NAV2: variants seen among roughly 807,000 people sequenced by gnomAD.
NAV2 encodes the protein helicase, APC down-regulated 1.
In NAV2, 54 loss-of-function variants were observed where a neutral mutation model predicts 223.2. The ratio of observed to expected loss-of-function variants is 0.24; its 90% confidence interval spans 0.19 to 0.30. The LOEUF (loss-of-function observed/expected upper bound fraction) is 0.30, where lower values mean the gene tolerates loss of function less well. Ranked by LOEUF, NAV2 falls within the 10% of genes least tolerant of loss-of-function variation. The pLI is 1.00. For synonymous variants in NAV2, 1,279 were observed against 1,239.3 expected (o/e 1.03, Z -0.67); for missense variants, 2,806 against 3,147.5 (o/e 0.89, Z 2.60).
intron 4 of NAV2, among the ~76,000 whole-genome samples, chr11:19,870,377 G>A (rs1298860970): frequency 6.6e-6 from 1 of 152,144 alleles, no homozygotes; most frequent in African/African-American, 2.4e-5. Context: ...CCTAGTTTCT[G>A]GGAGTGCTTG....
chr11:19,988,031 G>T (rs1469861626), intron 11 of NAV2, among the ~76,000 whole-genome samples: 1 of 152,216 alleles, frequency 6.6e-6, no homozygotes, highest in Admixed American at 6.5e-5. Context: ...ACTCCTGCCA[G>T]TTCCTACATG....
intron 1 of NAV2, among the ~76,000 whole-genome samples, chr11:19,641,073 G>A (rs546385894): frequency 6.6e-6 from 1 of 152,190 alleles, no homozygotes; most frequent in South Asian, 2.1e-4. Flanking sequence ...AAGCTTTCCA[G>A]AGACTGTTGC....
At chr11:19,509,969 A>AT in intron 1 of NAV2, among the ~76,000 whole-genome samples, 1 of 152,176 alleles carries the variant, frequency 6.6e-6, no homozygotes, top group East Asian at 1.9e-4. Context: ...GGGCATTAGC[A>AT]TTTTTCCAGG....
intron 1 of NAV2, among the ~76,000 whole-genome samples, chr11:19,441,418 A>G (rs1486939901): frequency 6.7e-6 from 1 of 150,072 alleles, no homozygotes; most frequent in Non-Finnish European, 1.5e-5. Flanking sequence ...AGGTACAAGA[A>G]AGGACACTGG....
At chr11:19,845,657 T>C (rs1026708952) in intron 3 of NAV2, among the ~76,000 whole-genome samples, 1 of 152,194 alleles carries the variant, frequency 6.6e-6, no homozygotes, top group African/African-American at 2.4e-5. Flanking sequence ...GAGCAAGCCC[T>C]GGAAGAAGGC....
At position 19,984,223 on chromosome 11, in the gene NAV2, C is replaced by A. The variant is rs1041381518; in HGVS notation, c.2744C>A (p.Ser915Tyr). Residue 915 changes from serine to tyrosine, a missense_variant, in exon 11 of 38, where the codon TCC (serine) becomes TAC (tyrosine). Around this residue, in one of 4 missense-constraint regions of NAV2, gnomAD observed 73 missense variants for 119.7 expected, o/e 0.61. Coordinates refer to ENST00000349880, the MANE Select transcript of NAV2 (RefSeq NM_145117.5). ...CGGGAGACCCTGCAACGAAATACCT[C>A]CCTGGGCCTCGGAGACGCTGACAGG... is the stretch of plus-strand genomic sequence containing the variant. ...VVRETLQRNT[S>Y]LGLGDADSWD... The A allele has an allele frequency of 6.2e-7, 1 of 1,614,066 alleles. No individual in the cohort carries two copies. Among genetic ancestry groups the A allele is most frequent in the Non-Finnish European group, 8.5e-7 (1 of 1,180,014 alleles).
chr11:19,428,038 G>A (rs866820484), intron 1 of NAV2, among the ~76,000 whole-genome samples: 1 of 151,918 alleles, frequency 6.6e-6, no homozygotes, highest in Non-Finnish European at 1.5e-5. Context: ...CGGATTCTGG[G>A]TCCAAATTAG....
chr11:19,825,835 G>A (rs2059619365), intron 1 of NAV2, among the ~76,000 whole-genome samples: 1 of 152,170 alleles, frequency 6.6e-6, no homozygotes, highest in Admixed American at 6.5e-5. Context: ...GAATGATGTG[G>A]AGTTATAAGC....
chr11:19,710,130 A>C (rs79587295), upstream of NAV2, among the ~76,000 whole-genome samples: 2 of 152,336 alleles, frequency 1.3e-5, no homozygotes, highest in East Asian at 3.9e-4. Context: ...TGGCAAATAC[A>C]TAATATGTAT....
intron 13 of NAV2, among the ~76,000 whole-genome samples, chr11:20,044,626 C>A (rs2153584739): frequency 6.6e-6 from 1 of 152,228 alleles, no homozygotes; most frequent in African/African-American, 2.4e-5. Flanking sequence ...TAAACAAGGG[C>A]AGAGGTATCC....
chr11:19,940,736 C>T (rs1377339584), intron 8 of NAV2, among the ~76,000 whole-genome samples: 1 of 152,190 alleles, frequency 6.6e-6, no homozygotes, highest in East Asian at 1.9e-4. Context: ...GCAATTAGCC[C>T]CAGTGATTAA....
chr11:19,881,717 G>T (rs1201529959), intron 5 of NAV2, among the ~76,000 whole-genome samples: 1 of 152,160 alleles, frequency 6.6e-6, no homozygotes, highest in African/African-American at 2.4e-5. Flanking sequence ...CCTAGAGGAG[G>T]CAGGCAAACA....
chr11:19,654,423 CA>C (rs200578592), intron 1 of NAV2, among the ~76,000 whole-genome samples: 4,355 of 152,196 alleles, frequency 0.029, 208 homozygotes, highest in African/African-American at 0.098. Context: ...AAAAAGAGCC[CA>C]CATTGCCAAG....
chr11:20,003,137 G>A (rs567298094), intron 11 of NAV2, among the ~76,000 whole-genome samples: 95 of 152,298 alleles, frequency 6.2e-4, no homozygotes, highest in Admixed American at 4.5e-3. Context: ...GAGGGAAGTC[G>A]GAGAGGGGAA....
chr11:19,632,828 C>G (rs2047384475), intron 1 of NAV2, among the ~76,000 whole-genome samples: 1 of 152,236 alleles, frequency 6.6e-6, no homozygotes, highest in Admixed American at 6.5e-5. Context: ...AAAATCCACA[C>G]AGCATTTAGC....
At chr11:19,956,365 TACACACACAC>T (rs113677958) in intron 10 of NAV2, among the ~76,000 whole-genome samples, 1 of 103,806 alleles carries the variant, frequency 9.6e-6, no homozygotes, top group Non-Finnish European at 1.9e-5. Flanking sequence ...CCGACACACA[TACACACACAC>T]ACACACACAC....
intron 10 of NAV2, among the ~76,000 whole-genome samples, chr11:19,963,423 A>T (rs966032660): frequency 4.6e-5 from 7 of 152,102 alleles, no homozygotes; most frequent in Non-Finnish European, 1.0e-4. Flanking sequence ...TAGTCCCCAC[A>T]CTCTGAATAT....
intron 35 of NAV2, 60 bp downstream of exon 35, chr11:20,105,787 GC>G (rs2061982178): frequency 7.2e-7 from 1 of 1,383,946 alleles, no homozygotes; most frequent in African/African-American, 1.4e-5. Context: ...CATCCTCTGG[GC>G]CCTGGCCAGG....
chr11:20,076,565 A>T (rs182107277), intron 22 of NAV2, among the ~76,000 whole-genome samples: 54 of 152,306 alleles, frequency 3.5e-4, no homozygotes, highest in African/African-American at 1.3e-3. Flanking sequence ...ACTGTTTGAA[A>T]CAGCTCCATT....
Sources: gnomAD v4.1 joint callset for allele counts (sites outside exome capture counted in the v4.1 genomes callset) on GRCh38, gnomAD v4.1.1 for gene constraint, gnomAD v4.1.1 regional missense constraint, MANE v1.5 for transcripts, NCBI Gene and HGNC (gene_info 2026-07-23, HGNC 2026-07-21) for gene names.